DCC: variants seen among roughly 807,000 people sequenced by gnomAD.
DCC encodes the protein DCC netrin 1 receptor.
A neutral mutation model predicts 172.5 loss-of-function variants in DCC; 58 were observed. That is an observed-to-expected ratio of 0.34 (90% confidence interval 0.27 to 0.42). The LOEUF (loss-of-function observed/expected upper bound fraction) is 0.42. Among genes scored for constraint, DCC ranks in the 10% least tolerant of loss-of-function variants. The probability of loss-of-function intolerance (pLI) is 1.00; values close to 1 mark genes in which losing one functional copy is unlikely to be tolerated. For synonymous variants in DCC, 709 were observed against 644.5 expected, an observed-to-expected ratio of 1.10 and a Z score of -1.52; for missense variants, 1,740 against 1,791.0, an observed-to-expected ratio of 0.97 and a Z score of 0.51.
At chr18:52,590,122 G>A (rs960509579) in intron 1 of DCC, among the ~76,000 whole-genome samples, 1 of 151,450 alleles carries the variant, frequency 6.6e-6, no homozygotes, top group Non-Finnish European at 1.5e-5. Context: ...GTTTATTTTT[G>A]TACATAATTA....
chr18:52,843,054 G>C (rs1330151616), intron 2 of DCC, among the ~76,000 whole-genome samples: 1 of 152,142 alleles, frequency 6.6e-6, no homozygotes, highest in Non-Finnish European at 1.5e-5. Context: ...CATGTGTAAG[G>C]TCAGGATTTG....
chr18:52,578,832 A>T (rs2033478456), intron 1 of DCC, among the ~76,000 whole-genome samples: 1 of 152,100 alleles, frequency 6.6e-6, no homozygotes, highest in African/African-American at 2.4e-5. Flanking sequence ...CCCCATCTCT[A>T]CTAAAAATAC....
chr18:53,082,540 A>C (rs2042821665), intron 7 of DCC, among the ~76,000 whole-genome samples: 2 of 152,142 alleles, frequency 1.3e-5, no homozygotes, highest in African/African-American at 2.4e-5. Flanking sequence ...TAAAATAAAT[A>C]TATGAAGACT....
At chr18:53,361,166 G>T (rs1237246166) in intron 15 of DCC, among the ~76,000 whole-genome samples, 1 of 152,122 alleles carries the variant, frequency 6.6e-6, no homozygotes, top group Non-Finnish European at 1.5e-5. Context: ...AAGGAATTAG[G>T]ATCCAGAAAA....
chr18:53,472,982 T>C (rs1439217162), intron 25 of DCC, among the ~76,000 whole-genome samples: 2 of 152,218 alleles, frequency 1.3e-5, no homozygotes, highest in African/African-American at 4.8e-5. Context: ...ATATGCACTG[T>C]CCTTCATTTG....
intron 25 of DCC, among the ~76,000 whole-genome samples, chr18:53,483,956 T>G (rs898634588): frequency 2.3e-5 from 3 of 130,090 alleles, no homozygotes; most frequent in Non-Finnish European, 4.9e-5. Context: ...TGCCTATGTT[T>G]GCATAGATAG....
intron 1 of DCC, 52 bp downstream of exon 1, chr18:52,340,930 C>T: frequency 7.4e-7 from 1 of 1,357,928 alleles, no homozygotes; most frequent in East Asian, 2.3e-5. Flanking sequence ...TACCCCACTT[C>T]CCTTCTCATT....
chr18:53,499,928 A>G (rs2046075780), intron 27 of DCC, among the ~76,000 whole-genome samples: 1 of 152,226 alleles, frequency 6.6e-6, no homozygotes. Context: ...TCATAATTCT[A>G]ATTTGTGCCT....
At chr18:52,993,038 G>A (rs528039750) in intron 5 of DCC, among the ~76,000 whole-genome samples, 2 of 151,648 alleles carry the variant, frequency 1.3e-5, no homozygotes, top group Admixed American at 6.6e-5. Flanking sequence ...CTTCAGCATG[G>A]TGCAATATCT....
intron 5 of DCC, among the ~76,000 whole-genome samples, chr18:52,953,334 G>A (rs2040689571): frequency 6.6e-6 from 1 of 152,120 alleles, no homozygotes; most frequent in South Asian, 2.1e-4. Flanking sequence ...CGCTGTTAGA[G>A]CAGTCCCAAA....
At chr18:52,568,191 G>A (rs2033207535) in intron 1 of DCC, among the ~76,000 whole-genome samples, 1 of 152,078 alleles carries the variant, frequency 6.6e-6, no homozygotes, top group African/African-American at 2.4e-5. Flanking sequence ...CTTATCTTAT[G>A]AGGCAGCCGT....
intron 1 of DCC, among the ~76,000 whole-genome samples, chr18:52,517,210 C>G (rs2031670871): frequency 6.6e-6 from 1 of 152,198 alleles, no homozygotes; most frequent in Non-Finnish European, 1.5e-5. Context: ...TCTTTCATAT[C>G]TGTTCTAGAT....
At chr18:52,927,468 G>A (rs1223872712) in intron 5 of DCC, among the ~76,000 whole-genome samples, 1 of 151,884 alleles carries the variant, frequency 6.6e-6, no homozygotes, top group African/African-American at 2.4e-5. Context: ...ATCTTGGCAT[G>A]TTTTATTCCA....
chr18:52,792,740 C>G (rs536633629), intron 2 of DCC, among the ~76,000 whole-genome samples: 1 of 7,366 alleles, frequency 1.4e-4, no homozygotes, highest in South Asian at 3.0e-3. Context: ...GAGGCTGAGG[C>G]AACCATTCCA....
At chr18:52,830,601 A>G (rs1488280898) in intron 2 of DCC, among the ~76,000 whole-genome samples, 2 of 152,158 alleles carry the variant, frequency 1.3e-5, no homozygotes, top group Admixed American at 6.5e-5. Flanking sequence ...TTACTAGACT[A>G]TCTGTAGCCT....
chr18:52,963,264 T>C (rs1426803133), intron 5 of DCC, among the ~76,000 whole-genome samples: 1 of 151,808 alleles, frequency 6.6e-6, no homozygotes, highest in African/African-American at 2.4e-5. Flanking sequence ...TATTTCTTTA[T>C]ATCTTATTTT....
chr18:52,614,374 G>T (rs1185782051), intron 1 of DCC, among the ~76,000 whole-genome samples: 1 of 152,156 alleles, frequency 6.6e-6, no homozygotes, highest in Non-Finnish European at 1.5e-5. Context: ...AAGGAAGATT[G>T]CATCGTGTTC....
chr18:52,664,532 G>A (rs573662611), intron 1 of DCC, among the ~76,000 whole-genome samples: 55 of 139,958 alleles, frequency 3.9e-4, no homozygotes, highest in Non-Finnish European at 7.7e-4. Flanking sequence ...GTGCAGTGGC[G>A]CGATCTCGGC....
At chr18:52,820,400 T>G (rs1007377364) in intron 2 of DCC, among the ~76,000 whole-genome samples, 3 of 152,156 alleles carry the variant, frequency 2.0e-5, no homozygotes, top group Admixed American at 2.0e-4. Flanking sequence ...TTTTAGAAAA[T>G]TTACACATGG....
Sources: allele counts gnomAD v4.1 joint callset (sites outside exome capture counted in the v4.1 genomes callset), GRCh38; gene constraint gnomAD v4.1.1; transcripts MANE v1.5; gene names NCBI Gene and HGNC (gene_info 2026-07-23, HGNC 2026-07-21).